XYLT1: variants seen among roughly 807,000 people sequenced by gnomAD.
The protein encoded by XYLT1 is beta-D-xylosyltransferase 1.
A neutral mutation model predicts 91.3 loss-of-function variants in XYLT1; 36 were observed. That is an observed-to-expected ratio of 0.39 (90% CI 0.30 to 0.52). XYLT1 has a LOEUF of 0.52. Among genes scored for constraint, XYLT1 ranks in the 20% least tolerant of loss-of-function variants. The probability of loss-of-function intolerance (pLI) is 0.68; values close to 1 mark genes in which losing one functional copy is unlikely to be tolerated. For missense variants in XYLT1, 1,242 were observed against 1,284.5 expected, an observed-to-expected ratio of 0.97 and a Z score of 0.51; for synonymous variants, 588 against 532.0, an observed-to-expected ratio of 1.11 and a Z score of -1.45.
At chr16:17,454,660 C>T (rs1393643606) in intron 1 of XYLT1, among the ~76,000 whole-genome samples, 2 of 151,966 alleles carry the variant, frequency 1.3e-5, no homozygotes, top group Non-Finnish European at 2.9e-5. Context: ...CCTCAGCCAC[C>T]TGAGTAGCTG....
chr16:17,334,584 T>G (rs1373491170), intron 2 of XYLT1, among the ~76,000 whole-genome samples: 1 of 151,914 alleles, frequency 6.6e-6, no homozygotes, highest in Non-Finnish European at 1.5e-5. Context: ...CAGGAATGTG[T>G]AGGTGTAGCA....
rs552689739 is a variant in XYLT1 at position 17,233,951 on chromosome 16, G to A, written c.913+25037C>T. 5.3e-5 allele frequency among the ~76,000 whole-genome samples: 8 copies of A among 152,288 alleles called. No individual in the cohort carries two copies. The South Asian group carries it at 8.3e-4, about 16-fold the overall frequency. ...CTTCACATCTTGGCTCTGATTTTGCGTAGCTGGGTGATTTCAGGCAAGGTT... is the reference window on the plus strand; with the variant it reads ...CTTCACATCTTGGCTCTGATTTTGCATAGCTGGGTGATTTCAGGCAAGGTT... On this transcript the variant is annotated intron_variant, in intron 3 of 11. Transcript: ENST00000261381.
intron 1 of XYLT1, among the ~76,000 whole-genome samples, chr16:17,454,173 C>T (rs2036704537): frequency 6.6e-6 from 1 of 152,190 alleles, no homozygotes; most frequent in African/African-American, 2.4e-5. Flanking sequence ...TAGGTATATA[C>T]TCAACAGAAA....
intron 1 of XYLT1, among the ~76,000 whole-genome samples, chr16:17,404,379 T>A (rs2036005114): frequency 6.6e-6 from 1 of 152,162 alleles, no homozygotes; most frequent in African/African-American, 2.4e-5. Flanking sequence ...CTAGCAAGCC[T>A]GCAAAGTCAA....
chr16:17,158,964 G>A (rs2031483854), intron 5 of XYLT1, 55 bp from the exon 6 acceptor site: 5 of 1,507,706 alleles, frequency 3.3e-6, no homozygotes, highest in Non-Finnish European at 4.6e-6. Flanking sequence ...TACTGTCTTT[G>A]TCACAGAAAG....
chr16:17,425,599 G>A (rs2036307639), intron 1 of XYLT1, among the ~76,000 whole-genome samples: 1 of 152,136 alleles, frequency 6.6e-6, no homozygotes, highest in African/African-American at 2.4e-5. Context: ...TTTCAGGAAA[G>A]GCCCTTTGTT....
At chr16:17,440,995 T>A (rs949360627) in intron 1 of XYLT1, among the ~76,000 whole-genome samples, 1 of 152,084 alleles carries the variant, frequency 6.6e-6, no homozygotes, top group Non-Finnish European at 1.5e-5. Flanking sequence ...CTGAATGAGA[T>A]AATATAGTTA....
At position 17,214,376 on chromosome 16, in the gene XYLT1, T is replaced by C. The variant is rs140630231; in HGVS notation, c.914-13722A>G. Among the ~76,000 whole-genome samples the C allele has an allele frequency of 6.0e-3, 914 of 152,304 alleles. 12 individuals are homozygous for C. Among genetic ancestry groups the C allele is most frequent in the Non-Finnish European group, 6.5e-3 (441 of 68,016 alleles). ...TCATCATCAGTAAAATAGGGATACATATTGACCCTCCTTCATAGGGAGGAA... is the reference window on the plus strand; with the variant it reads ...TCATCATCAGTAAAATAGGGATACACATTGACCCTCCTTCATAGGGAGGAA... On this transcript the variant is annotated intron_variant, in intron 3 of 11. Transcript: ENST00000261381.
intron 3 of XYLT1, among the ~76,000 whole-genome samples, chr16:17,257,115 G>A (rs533638992): frequency 2.0e-5 from 3 of 152,180 alleles, no homozygotes; most frequent in Non-Finnish European, 2.9e-5. Context: ...ATTTAGAAGC[G>A]ACAAGGGGGT....
chr16:17,414,114 C>A (rs1050003802), intron 1 of XYLT1, among the ~76,000 whole-genome samples: 1 of 152,074 alleles, frequency 6.6e-6, no homozygotes, highest in Non-Finnish European at 1.5e-5. Context: ...AACCAAAAAA[C>A]CAGGGCCTCC....
intron 3 of XYLT1, among the ~76,000 whole-genome samples, chr16:17,218,362 G>GTT (rs34493078): frequency 2.7e-4 from 40 of 146,406 alleles, no homozygotes; most frequent in East Asian, 1.4e-3. Context: ...GCGGACTTTT[G>GTT]TTTTTTTTTT....
In XYLT1 at chr16:17,141,154, T is replaced by A; in HGVS notation, c.1586A>T (p.Glu529Val). The change falls in exon 7 of 12, where the codon GAG becomes GTG. Residue 529 changes from glutamate (E) to valine (V), a missense_variant and splice_region_variant. By Grantham distance (121) the Glu-to-Val change is moderately radical. This residue lies in a region of XYLT1 where 294 missense variants were observed against 376.0 expected (regional missense o/e 0.78). Transcript: ENST00000261381. ...GGGAAAATTTTCCCAGATACTCACC[T>A]CAGCAGGAAGCAGGGTGTAGGAGTA... ...QFYSYTLLPA[E>V]SFFHTVLENS... is the part of the protein sequence containing the mutation. The A allele has an allele frequency of 1.2e-6, 2 of 1,613,660 alleles. No homozygotes were observed. Among genetic ancestry groups the A allele is most frequent in the Non-Finnish European group, 1.7e-6 (2 of 1,179,554 alleles).
chr16:17,409,675 G>A (rs528852005), intron 1 of XYLT1, among the ~76,000 whole-genome samples: 7 of 150,358 alleles, frequency 4.7e-5, no homozygotes, highest in Non-Finnish European at 7.4e-5. Flanking sequence ...TCAACCTCCC[G>A]AGTAGCTGGG....
chr16:17,197,641 G>A (rs2032456568), intron 5 of XYLT1, among the ~76,000 whole-genome samples: 2 of 152,210 alleles, frequency 1.3e-5, no homozygotes, highest in Admixed American at 1.3e-4. Context: ...AAAGCAGGCA[G>A]AACGTGGAAG....
chr16:17,311,831 C>T (rs1346984295), intron 2 of XYLT1, among the ~76,000 whole-genome samples: 1 of 139,278 alleles, frequency 7.2e-6, no homozygotes, highest in Non-Finnish European at 1.6e-5. Context: ...TCTTACATGG[C>T]AGCAGGCAAA....
In XYLT1 at chr16:17,186,166, C is replaced by T. The variant is rs568329235; in HGVS notation, c.1289+12046G>A. Reference sequence around the variant, plus strand: ...CTGCCCAGGCTGGAGTGCAGTGGCGCGATCTCGGCTCACTGCAACCTCCAC... The same window carrying T: ...CTGCCCAGGCTGGAGTGCAGTGGCGTGATCTCGGCTCACTGCAACCTCCAC... On this transcript the variant is annotated intron_variant, in intron 5 of 11. Coordinates refer to ENST00000261381, the MANE Select transcript of XYLT1 (RefSeq NM_022166.4). Among the ~76,000 whole-genome samples, 4 of 152,244 alleles carry T rather than the reference C, an allele frequency of 2.6e-5. No homozygotes were observed. In the South Asian group the frequency reaches 8.3e-4, roughly 32 times the overall value.
intron 5 of XYLT1, among the ~76,000 whole-genome samples, chr16:17,186,467 A>ATTT (rs55895412): frequency 0.14 from 18,481 of 132,276 alleles, 1,637 homozygotes; most frequent in African/African-American, 0.23. Flanking sequence ...CACCTGGTTA[A>ATTT]TTTTTTTTTT....
At chr16:17,218,411 T>A (rs1436325870) in intron 3 of XYLT1, among the ~76,000 whole-genome samples, 1 of 151,984 alleles carries the variant, frequency 6.6e-6, no homozygotes, top group Non-Finnish European at 1.5e-5. Context: ...TTAAGACTTC[T>A]GTAGGGTAAT....
chr16:17,125,682 TC>T, intron 10 of XYLT1, among the ~76,000 whole-genome samples: 1 of 152,198 alleles, frequency 6.6e-6, no homozygotes, highest in African/African-American at 2.4e-5. Flanking sequence ...ATGTCCTGAG[TC>T]CCCAGCAATC....
Sources: allele counts gnomAD v4.1 joint callset (sites outside exome capture counted in the v4.1 genomes callset), GRCh38; gene constraint gnomAD v4.1.1; regional missense constraint gnomAD v4.1.1; transcripts MANE v1.5; gene names NCBI Gene and HGNC (gene_info 2026-07-23, HGNC 2026-07-21).